The following CDH23 variants were observed in gnomAD, a reference collection of about 807,000 sequenced individuals.
CDH23 encodes the protein cadherin-23.
CDH23 carries 189 observed loss-of-function variants against 317.1 expected under a neutral mutation model. That is an observed-to-expected ratio of 0.60 (90% confidence interval 0.53 to 0.67). The LOEUF is 0.67. Among genes scored for constraint, CDH23 ranks in the 30% least tolerant of loss-of-function variants. CDH23 has a pLI of 0.00. For synonymous variants in CDH23, 1,839 were observed against 1,876.8 expected (o/e 0.98, Z 0.52); for missense variants, 4,401 against 4,592.4 (o/e 0.96, Z 1.20).
chr10:71,438,347 C>CAAAAAAAAAAAAAAAAAGAAA (rs1849714120), intron 1 of CDH23, among the ~76,000 whole-genome samples: 1 of 98,360 alleles, frequency 1.0e-5, no homozygotes, highest in Non-Finnish European at 2.2e-5. Flanking sequence ...CTGTCTCAAA[C>CAAAAAAAAAAAAAAAAAGAAA]AAAAAAAAAA....
At position 71,805,937 on chromosome 10, in the gene CDH23, A is replaced by G. The variant is rs376111586; in HGVS notation, c.8004A>G (p.Pro2668=). ...ACTGGGAGTTCTTCATCATCGACCC[A>G]ATCAGCGGCCTCATCCAGACTGCTC... The part of the protein sequence containing the change: ...NRDWEFFIID[P]ISGLIQTAQR... The change falls in exon 56 of 70, where the codon CCA becomes CCG. Residue 2668 remains proline, a synonymous_variant. Transcript: ENST00000224721. 1 of 1,613,588 alleles carries G rather than the reference A, an allele frequency of 6.2e-7. No homozygotes were observed. Among genetic ancestry groups the G allele is most frequent in the Non-Finnish European group, 8.5e-7 (1 of 1,179,776 alleles).
At position 71,803,316 on chromosome 10, in the gene CDH23, C is replaced by T. The variant is rs1487084644; in HGVS notation, c.7768C>T (p.Pro2590Ser). The stretch of plus-strand genomic sequence containing the variant: ...GGTGGCCACAGATGGTGGAGAGCCC[C>T]CACTCTGGGGCACCACCATGCTCCT... ...TVVATDGGEP[P>S]LWGTTMLLVE... The change falls in exon 55 of 70, where the codon CCA becomes TCA. Residue 2590 changes from proline (P) to serine (S), a missense_variant. By Grantham distance (74) the Pro-to-Ser change is moderately conservative. Coordinates refer to ENST00000224721, the MANE Select transcript of CDH23 (RefSeq NM_022124.6). The T allele has an allele frequency of 6.3e-7, 1 of 1,592,660 alleles. No homozygotes were observed. Among genetic ancestry groups the T allele is most frequent in the Non-Finnish European group, 8.5e-7 (1 of 1,169,602 alleles).
intron 3 of CDH23, among the ~76,000 whole-genome samples, chr10:71,460,477 A>G (rs1589340814): frequency 6.6e-6 from 1 of 152,378 alleles, no homozygotes; most frequent in East Asian, 1.9e-4. Context: ...ATAATTCAAG[A>G]TGAATATGCT....
In CDH23 at chr10:71,799,635, C is replaced by T. The variant is rs762905005; in HGVS notation, c.7362+6C>T. On this transcript the variant is annotated splice_donor_region_variant and intron_variant, in intron 52 of 69. Transcript: ENST00000224721. ...TTGCCATCAACCCCACCACGGTGAGCAGTGATGGAGGGCCTGGAATTTGGA... is the reference window on the plus strand; with the variant it reads ...TTGCCATCAACCCCACCACGGTGAGTAGTGATGGAGGGCCTGGAATTTGGA... 10 of 1,613,886 alleles carry T rather than the reference C, an allele frequency of 6.2e-6. No individual in the cohort carries two copies. The Middle Eastern group carries it at 4.9e-4, about 80-fold the overall frequency.
intron 6 of CDH23, among the ~76,000 whole-genome samples, chr10:71,563,274 G>C (rs114687625): frequency 6.6e-6 from 1 of 152,096 alleles, no homozygotes; most frequent in Non-Finnish European, 1.5e-5. Flanking sequence ...TGACCCCAAG[G>C]TTCCTTCCAG....
At chr10:71,772,351 C>T (rs1322191943) in intron 38 of CDH23, among the ~76,000 whole-genome samples, 1 of 152,238 alleles carries the variant, frequency 6.6e-6, no homozygotes, top group Non-Finnish European at 1.5e-5. Context: ...CTCCACCTCC[C>T]TCCTGCCTCC....
At chr10:71,423,246 G>A (rs951038565) in intron 1 of CDH23, among the ~76,000 whole-genome samples, 1 of 152,214 alleles carries the variant, frequency 6.6e-6, no homozygotes, top group African/African-American at 2.4e-5. Flanking sequence ...GTGGGGTGGA[G>A]GAAGGCCTGA....
intron 6 of CDH23, among the ~76,000 whole-genome samples, chr10:71,514,958 A>G (rs1394313742): frequency 1.3e-5 from 2 of 152,222 alleles, no homozygotes; most frequent in African/African-American, 4.8e-5. Flanking sequence ...GTGCTGCTCC[A>G]GTACCTCCGT....
intron 9 of CDH23, among the ~76,000 whole-genome samples, chr10:71,612,983 G>T (rs763757972): frequency 2.4e-4 from 36 of 152,204 alleles, no homozygotes; most frequent in Middle Eastern, 3.2e-3. Flanking sequence ...TGAGTAGCTG[G>T]AATTACAGGC....
chr10:71,630,413 C>T (rs147685778), intron 11 of CDH23, among the ~76,000 whole-genome samples: 156 of 152,180 alleles, frequency 1.0e-3, no homozygotes, highest in African/African-American at 2.8e-3. Flanking sequence ...GAGTGACTGC[C>T]GTCATTCAGA....
chr10:71,474,665 G>A lies in CDH23; in HGVS notation c.145+28270G>A, dbSNP rs893587123. ...GTGAGATGAGCCAGTGCATTGCCAC[G>A]ATCGTTGCTTTTAACTTTCCCATTG... On this transcript the variant is annotated intron_variant, in intron 3 of 69. Coordinates refer to ENST00000224721, the MANE Select transcript of CDH23 (RefSeq NM_022124.6). Among the ~76,000 whole-genome samples the A allele has an allele frequency of 5.9e-5, 9 of 152,316 alleles. 1 individual carries two copies. Among genetic ancestry groups the A allele is most frequent in the South Asian group, 4.1e-4 (2 of 4,820 alleles).
intron 3 of CDH23, among the ~76,000 whole-genome samples, chr10:71,475,434 G>A (rs989701794): frequency 6.6e-6 from 1 of 152,230 alleles, no homozygotes; most frequent in Non-Finnish European, 1.5e-5. Flanking sequence ...GCTCCCGAGA[G>A]GGGAGGGTCT....
chr10:71,515,394 T>TCTCTCTCTCTCTCTCTCTCACACA (rs1491490493), intron 6 of CDH23, among the ~76,000 whole-genome samples: 103 of 26,620 alleles, frequency 3.9e-3, no homozygotes, highest in African/African-American at 8.5e-3. Flanking sequence ...TCTCTCTCTC[T>TCTCTCTCTCTCTCTCTCTCACACA]CACACACACA....
intron 1 of CDH23, among the ~76,000 whole-genome samples, chr10:71,424,335 C>T (rs1412213950): frequency 4.6e-5 from 7 of 152,264 alleles, no homozygotes; most frequent in Admixed American, 3.9e-4. Context: ...CAAGCCCCCA[C>T]TGCATGCCCC....
In CDH23 at chr10:71,810,002, C is replaced by G; in HGVS notation, c.8905C>G (p.Arg2969Gly). 2 of 1,612,332 alleles carry G rather than the reference C, an allele frequency of 1.2e-6. No homozygotes were observed. The highest frequency in any genetic ancestry group is 1.7e-6 in the Non-Finnish European group (2 of 1,179,876). Residue 2969 changes from arginine to glycine, a missense_variant, in exon 61 of 70, where the codon CGC becomes GGC. By Grantham distance (125) the Arg-to-Gly change is moderately radical. This residue lies in a region of CDH23 where 1,144 missense variants were observed against 1,138.2 expected (regional missense o/e 1.01). Transcript: ENST00000224721. ...CATTAACGAGATCCCCGACCGTGTGCGCGGCTTCGAGGAGGAGTTCATCCA... is the reference window on the plus strand; with the variant it reads ...CATTAACGAGATCCCCGACCGTGTGGGCGGCTTCGAGGAGGAGTTCATCCA... ...IVINEIPDRV[R>G]GFEEEFIHLL... is the part of the protein sequence containing the mutation.
intron 28 of CDH23, chr10:71,713,398 T>G (rs1302049478): frequency 1.5e-6 from 1 of 676,916 alleles, no homozygotes; most frequent in Non-Finnish European, 2.7e-6. Context: ...AGTGAATGAG[T>G]CTCTTTACCA....
At chr10:71,431,248 C>G (rs1849357518) in intron 1 of CDH23, among the ~76,000 whole-genome samples, 1 of 152,220 alleles carries the variant, frequency 6.6e-6, no homozygotes, top group African/African-American at 2.4e-5. Flanking sequence ...CACCAGGCTT[C>G]ATATGGGGGA....
rs397720434 is a variant in CDH23 at position 71,454,845 on chromosome 10, A to ATT, written c.145+8464_145+8465dup. On this transcript the variant is annotated intron_variant, in intron 3 of 69. Transcript: ENST00000224721. Reference sequence around the variant, plus strand: ...ACATACTATATTTTTTTTACATTTTATTTTTTTTTTTTTTTAGAAACAGGA... The same window carrying ATT: ...ACATACTATATTTTTTTTACATTTTATTTTTTTTTTTTTTTTTAGAAACAGGA... 9.6e-4 allele frequency among the ~76,000 whole-genome samples: 136 copies of ATT among 141,282 alleles called. 1 individual carries two copies. The South Asian group carries it at 0.011, about 11-fold the overall frequency. The allele number at this position is 141,282 out of a possible 152,430, so 92.7% of individuals were successfully genotyped here. A position where few individuals can be genotyped will look rare whatever the true frequency, so the allele number is the denominator to read the frequency against.
Position 71,798,380 on chromosome 10 carries a change from G to A in CDH23, c.6856G>A (p.Val2286Ile), listed in dbSNP as rs548373542. The A allele has an allele frequency of 8.1e-6, 13 of 1,613,886 alleles. No homozygotes were observed. The highest frequency in any genetic ancestry group is 3.3e-5 in the Admixed American group (2 of 60,022). The change falls in exon 50 of 70, where the codon GTC becomes ATC. Residue 2286 changes from valine (V) to isoleucine (I), a missense_variant. Val to Ile is a conservative substitution (Grantham distance 29, BLOSUM62 3). Around this residue, in one of 3 missense-constraint regions of CDH23, gnomAD observed 3,068 missense variants for 3,203.3 expected, o/e 0.96. Transcript: ENST00000224721. ...CAAGCTGACTGTCAACGTCCTGGAC[G>A]TCAATGACAATACGCCCCAGTTCAA... The part of the protein sequence containing the change: ...NAKLTVNVLD[V>I]NDNTPQFKPF...
Sources: gnomAD v4.1 joint callset for allele counts (sites outside exome capture counted in the v4.1 genomes callset) on GRCh38, gnomAD v4.1.1 for gene constraint, gnomAD v4.1.1 regional missense constraint, MANE v1.5 for transcripts, NCBI Gene and HGNC (gene_info 2026-07-23, HGNC 2026-07-21) for gene names.